MYO9A: variants seen among roughly 807,000 people sequenced by gnomAD.
MYO9A encodes the protein unconventional myosin-IXa.
A neutral mutation model predicts 293.3 loss-of-function variants in MYO9A; 103 were observed. The observed-to-expected ratio is 0.35, with a 90% confidence interval of 0.30 to 0.41. The LOEUF (loss-of-function observed/expected upper bound fraction) is 0.41, where lower values mean the gene tolerates loss of function less well. Among genes scored for constraint, MYO9A ranks in the 10% least tolerant of loss-of-function variants. The pLI is 1.00. For synonymous variants in MYO9A, 1,001 were observed against 1,035.7 expected (o/e 0.97, Z 0.64); for missense variants, 2,685 against 3,033.0 (o/e 0.89, Z 2.69).
intron 6 of MYO9A, among the ~76,000 whole-genome samples, chr15:72,018,362 G>A (rs1596389879): frequency 6.6e-6 from 1 of 152,224 alleles, no homozygotes; most frequent in Middle Eastern, 3.4e-3. Context: ...CAGCTACTTG[G>A]GAGGCTGAGG....
At chr15:71,932,624 C>A (rs561721584) in intron 18 of MYO9A, among the ~76,000 whole-genome samples, 1 of 151,472 alleles carries the variant, frequency 6.6e-6, no homozygotes, top group South Asian at 2.1e-4. Context: ...CAAACCCCTT[C>A]CAGAAATTAA....
rs183998668 is a variant in MYO9A at position 71,831,221 on chromosome 15, G to A, written c.6838-910C>T. On this transcript the variant is annotated intron_variant, in intron 39 of 41. Transcript: ENST00000356056. Reference sequence around the variant, plus strand: ...CTTTTGACATGCTACAGCAGAGGACGGCAAACTATAGCCCGTGTGGCAAAT... The same window carrying A: ...CTTTTGACATGCTACAGCAGAGGACAGCAAACTATAGCCCGTGTGGCAAAT... Among the ~76,000 whole-genome samples the A allele has an allele frequency of 3.7e-3, 568 of 152,214 alleles. 6 individuals are homozygous for A. Among genetic ancestry groups the A allele is most frequent in the South Asian group, 0.026 (124 of 4,822 alleles).
At chr15:71,986,157 GTATAGCAA>G (rs1409307135) in intron 11 of MYO9A, among the ~76,000 whole-genome samples, 1 of 152,120 alleles carries the variant, frequency 6.6e-6, no homozygotes, top group Non-Finnish European at 1.5e-5. Flanking sequence ...CTTAGAAACA[GTATAGCAA>G]CTATTTACAT....
chr15:72,028,217 A>AC (rs56749033), intron 3 of MYO9A, among the ~76,000 whole-genome samples: 1 of 51,024 alleles, frequency 2.0e-5, no homozygotes, highest in Non-Finnish European at 4.8e-5. Flanking sequence ...ATAAATAAAT[A>AC]AATATATATA....
intron 41 of MYO9A, among the ~76,000 whole-genome samples, chr15:71,827,556 G>A (rs1025108191): frequency 1.3e-5 from 2 of 151,990 alleles, no homozygotes; most frequent in African/African-American, 2.4e-5. Flanking sequence ...ACTCAATCAC[G>A]TTGAAGAGTT....
intron 1 of MYO9A, among the ~76,000 whole-genome samples, chr15:72,054,930 T>TAA (rs530182668): frequency 7.1e-6 from 1 of 140,162 alleles, no homozygotes; most frequent in African/African-American, 2.6e-5. Flanking sequence ...CTGAAAGAAT[T>TAA]AAAAAAAAAA....
intron 4 of MYO9A, among the ~76,000 whole-genome samples, chr15:72,024,568 T>C (rs2077606283): frequency 1.3e-5 from 2 of 152,310 alleles, no homozygotes; most frequent in South Asian, 4.1e-4. Flanking sequence ...CCACTGCACC[T>C]GGCCTATTTT....
intron 1 of MYO9A, among the ~76,000 whole-genome samples, chr15:72,078,560 T>C (rs1391242453): frequency 6.6e-6 from 1 of 151,634 alleles, no homozygotes; most frequent in Non-Finnish European, 1.5e-5. Flanking sequence ...ATGGCAACAG[T>C]CCTCACTATT....
intron 9 of MYO9A, among the ~76,000 whole-genome samples, chr15:71,997,782 G>T (rs1052871243): frequency 6.6e-6 from 1 of 152,092 alleles, no homozygotes; most frequent in Non-Finnish European, 1.5e-5. Flanking sequence ...ACCATCTCAC[G>T]TGAGTCACAA....
At position 71,897,578 on chromosome 15, in the gene MYO9A, G is replaced by A; in HGVS notation, c.4925C>T (p.Ser1642Leu). The A allele has an allele frequency of 6.2e-7, 1 of 1,614,122 alleles. No individual in the cohort carries two copies. Among genetic ancestry groups the A allele is most frequent in the Non-Finnish European group, 8.5e-7 (1 of 1,180,018 alleles). Residue 1642 changes from serine (S) to leucine (L), a missense_variant, in exon 25 of 42, where the codon TCA becomes TTA. By Grantham distance (145) the Ser-to-Leu change is moderately radical. Around this residue, in one of 10 missense-constraint regions of MYO9A, gnomAD observed 1,434 missense variants for 1,497.7 expected, o/e 0.96. Coordinates refer to ENST00000356056, the MANE Select transcript of MYO9A (RefSeq NM_006901.4). ...AGTTGGCCTAAAGTGTTCTCTTTTT[G>A]AAATGCGATTATTTGAGAGTTTACA... Reference protein sequence around the residue: ...VACKLSNNRISKREHFRPTQS... With the variant: ...VACKLSNNRILKREHFRPTQS...
At position 71,999,930 on chromosome 15, in the gene MYO9A, T is replaced by G. The variant is rs143467573; in HGVS notation, c.1391A>C (p.Glu464Ala). 6.2e-6 allele frequency: 10 copies of G among 1,611,170 alleles called. No individual in the cohort carries two copies. The African/African-American group carries it at 1.2e-4, about 19-fold the overall frequency. The change falls in exon 9 of 42, where the codon GAG (glutamate) becomes GCG (alanine). Residue 464 changes from glutamate (E) to alanine (A), a missense_variant. Transcript: ENST00000356056. The stretch of plus-strand genomic sequence containing the variant: ...TGTAACTAATGCTTCAAATAGCATC[T>G]CTTCTTTAACCTATAAAACAGAAAA... ...IVSELLEVKEEMLFEALVTRK... is the reference protein window; with the variant it reads ...IVSELLEVKEAMLFEALVTRK...
chr15:72,068,486 C>CTT (rs11345971), intron 1 of MYO9A, among the ~76,000 whole-genome samples: 1 of 144,546 alleles, frequency 6.9e-6, no homozygotes. Flanking sequence ...CCCAATTTCT[C>CTT]TTTTTTTTTT....
At chr15:72,080,133 G>A (rs1040613535) in intron 1 of MYO9A, among the ~76,000 whole-genome samples, 1 of 151,932 alleles carries the variant, frequency 6.6e-6, no homozygotes, top group African/African-American at 2.4e-5. Flanking sequence ...CTCCTCCCTG[G>A]TGTAGATGCT....
At chr15:71,989,070 T>A (rs1375731240) in intron 11 of MYO9A, among the ~76,000 whole-genome samples, 1 of 152,104 alleles carries the variant, frequency 6.6e-6, no homozygotes, top group Non-Finnish European at 1.5e-5. Context: ...AATTTTTGTA[T>A]TTTTAGTAGA....
At chr15:71,910,214 C>T (rs2144396286) in intron 19 of MYO9A, among the ~76,000 whole-genome samples, 1 of 139,724 alleles carries the variant, frequency 7.2e-6, no homozygotes. Flanking sequence ...CTTTGTGCCC[C>T]ATCCCATTGA....
At chr15:71,866,548 A>G (rs2056333305) in intron 32 of MYO9A, among the ~76,000 whole-genome samples, 1 of 152,006 alleles carries the variant, frequency 6.6e-6, no homozygotes, top group African/African-American at 2.4e-5. Context: ...AAACCTGTAT[A>G]TGAAACACTT....
chr15:72,065,655 T>C (rs187661260), intron 1 of MYO9A, among the ~76,000 whole-genome samples: 9 of 151,690 alleles, frequency 5.9e-5, no homozygotes, highest in Admixed American at 5.9e-4. Flanking sequence ...TCTATTCAAT[T>C]AAAAAAATCA....
rs2056224880 is a variant in MYO9A at position 71,863,619 on chromosome 15, T to C, written c.5980-1008A>G. On this transcript the variant is annotated intron_variant, in intron 32 of 41. Coordinates refer to ENST00000356056, the MANE Select transcript of MYO9A (RefSeq NM_006901.4). ...AATATATAAAGAAAATCTAGCTTAA[T>C]ACAGATATGAAAGTGGAAAATGAAG... 3.9e-5 allele frequency among the ~76,000 whole-genome samples: 6 copies of C among 152,200 alleles called. No homozygotes were observed. In the South Asian group the frequency reaches 1.0e-3, roughly 26 times the overall value.
intron 1 of MYO9A, among the ~76,000 whole-genome samples, chr15:72,070,706 A>G (rs2079165231): frequency 6.6e-6 from 1 of 152,196 alleles, no homozygotes; most frequent in Non-Finnish European, 1.5e-5. Flanking sequence ...AAAAAAAGAC[A>G]CAGTAATCAA....
Sources: gnomAD v4.1 joint callset for allele counts (sites outside exome capture counted in the v4.1 genomes callset) on GRCh38, gnomAD v4.1.1 for gene constraint, gnomAD v4.1.1 regional missense constraint, MANE v1.5 for transcripts, NCBI Gene and HGNC (gene_info 2026-07-23, HGNC 2026-07-21) for gene names.